Variants in CDH16 observed in about 807,000 individuals in gnomAD.
CDH16 encodes the protein cadherin-16.
CDH16 carries 79 observed loss-of-function variants against 87.6 expected under a neutral mutation model. That is an observed-to-expected ratio of 0.90 (90% CI 0.75 to 1.09). CDH16 has a LOEUF of 1.09. Ranked by LOEUF, CDH16 falls within the 50% of genes least tolerant of loss-of-function variation. CDH16 has a pLI of 0.00. For synonymous variants in CDH16, 457 were observed against 439.5 expected, an observed-to-expected ratio of 1.04 and a Z score of -0.50; for missense variants, 1,124 against 1,071.7, an observed-to-expected ratio of 1.05 and a Z score of -0.68.
In CDH16 at chr16:66,910,263, TGA is replaced by T; in HGVS notation, c.2162_2163del (p.Leu721GlnfsTer18). 6.3e-7 allele frequency: 1 copy of T among 1,595,702 alleles called. No individual in the cohort carries two copies. Among genetic ancestry groups the T allele is most frequent in the Non-Finnish European group, 8.5e-7 (1 of 1,169,800 alleles). ...TVQRDWRLQT[L>X]NGSHAYLTLA... ...CCTCCCTTTCCCCACCACACACCAT[TGA>T]GAGTCTGGAGGCGCCAATCCCGTTG... On this transcript the variant is annotated frameshift_variant, in exon 15 of 18. Transcript: ENST00000299752. LOFTEE classifies it high-confidence loss of function.
In CDH16 at chr16:66,910,043, G is replaced by A. The variant is rs774668091; in HGVS notation, c.2218C>T (p.His740Tyr). 1.2e-6 allele frequency: 2 copies of A among 1,613,248 alleles called. No homozygotes were observed. Among genetic ancestry groups the A allele is most frequent in the East Asian group, 2.2e-5 (1 of 44,864 alleles). Residue 740 changes from histidine (H) to tyrosine (Y), a missense_variant, in exon 16 of 18, where the codon CAC becomes TAC. By Grantham distance (83) the His-to-Tyr change is moderately conservative. Transcript: ENST00000299752. ...TGGCTGACCACCACGGGGATTATGT[G>A]TTCACGTGGCTCCACCCAATGCAGG... ...LALHWVEPRE[H>Y]IIPVVVSHNA... is the part of the protein sequence containing the mutation.
rs749714021 is a variant in CDH16, at chr16:66,912,849, G to A, written c.1097C>T (p.Pro366Leu). The change falls in exon 10 of 18, where the codon CCC becomes CTC. Residue 366 changes from proline to leucine, a missense_variant. Coordinates refer to ENST00000299752, the MANE Select transcript of CDH16 (RefSeq NM_004062.4). ...CACAACGTGGGAATTGGGGGAGCCG[G>A]GGGCATCTGCATCCTCTGCTGACAG... is the stretch of plus-strand genomic sequence containing the variant. ...TRLSAEDADA[P>L]GSPNSHVVYQ... The A allele has an allele frequency of 1.9e-6, 3 of 1,613,190 alleles. No homozygotes were observed. Among genetic ancestry groups the A allele is most frequent in the Non-Finnish European group, 1.7e-6 (2 of 1,180,038 alleles).
rs1363237621 is a variant in CDH16 at position 66,913,144 on chromosome 16, C to T, written c.1041G>A (p.Glu347=). 14 of 1,609,110 alleles carry T rather than the reference C, an allele frequency of 8.7e-6. No homozygotes were observed. Among genetic ancestry groups the T allele is most frequent in the Non-Finnish European group, 1.2e-5 (14 of 1,177,774 alleles). The change falls in exon 9 of 18, where the codon GAG becomes GAA. Residue 347 remains glutamate (E), a synonymous_variant. Coordinates refer to ENST00000299752, the MANE Select transcript of CDH16 (RefSeq NM_004062.4). The part of the protein sequence containing the change: ...PPRDPTVSIP[E]LSPPGTEVTR... ...CCTGTAGCTCACCTGGTGGACTGAGCTCAGGGATGCTGACTGTGGGGTCAC... is the reference window on the plus strand; with the variant it reads ...CCTGTAGCTCACCTGGTGGACTGAGTTCAGGGATGCTGACTGTGGGGTCAC...
At position 66,910,277 on chromosome 16, in the gene CDH16, C is replaced by T. The variant is rs34621310; in HGVS notation, c.2150G>A (p.Arg717His). The change falls in exon 15 of 18, where the codon CGC (arginine) becomes CAC (histidine). Residue 717 changes from arginine (R) to histidine (H), a missense_variant. Physicochemically the swap from Arg to His is conservative, Grantham distance 29 (BLOSUM62 0). Transcript: ENST00000299752. ...GPNPTVQRDW[R>H]LQTLNGSHAY... The stretch of plus-strand genomic sequence containing the variant: ...CCACACACCATTGAGAGTCTGGAGG[C>T]GCCAATCCCGTTGCACCGTGGGGTT... 7,357 of 1,604,458 alleles carry T rather than the reference C, an allele frequency of 4.6e-3. 311 individuals carry two copies. In the African/African-American group the frequency reaches 0.088, roughly 19 times the overall value.
At chr16:66,914,074 C>T (rs1383903077) in intron 7 of CDH16, 142 bp downstream of exon 7, 1 of 709,370 alleles carries the variant, frequency 1.4e-6, no homozygotes, top group Admixed American at 2.7e-5. Context: ...ACACCCCAGT[C>T]CACAGTGGGA....
At chr16:66,912,196 C>G (rs747765723) in intron 12 of CDH16, 46 bp downstream of exon 12, 29 of 1,599,576 alleles carry the variant, frequency 1.8e-5, no homozygotes, top group Non-Finnish European at 2.5e-5. Flanking sequence ...CATGTGCATG[C>G]ATGCGTGCAT....
chr16:66,914,688 T>C (rs1206499346), intron 6 of CDH16, among the ~76,000 whole-genome samples: 1 of 152,042 alleles, frequency 6.6e-6, no homozygotes, highest in Non-Finnish European at 1.5e-5. Flanking sequence ...AGATGGCAGA[T>C]GATGGGTTGG....
At chr16:66,918,168 C>A in intron 1 of CDH16, 90 bp from the exon 2 acceptor site, 1 of 801,872 alleles carries the variant, frequency 1.2e-6, no homozygotes. Flanking sequence ...GTACTGCAGA[C>A]TAGTCTTCTC....
Position 66,913,263 on chromosome 16 carries a change from C to G in CDH16, c.922G>C (p.Ala308Pro), listed in dbSNP as rs996969572. The change falls in exon 9 of 18, where the codon GCT becomes CCT. Residue 308 changes from alanine (A) to proline (P), a missense_variant. Ala to Pro is a conservative substitution (Grantham distance 27, BLOSUM62 -1). Coordinates refer to ENST00000299752, the MANE Select transcript of CDH16 (RefSeq NM_004062.4). ...AQAEYLLQVR[A>P]QNSHGEDYAA... ...TAGTCCTCGCCATGGGAATTCTGAG[C>G]CCGCACCTGGAGCAGGTACTGCGGT... is the stretch of plus-strand genomic sequence containing the variant. 5.8e-6 allele frequency: 9 copies of G among 1,556,998 alleles called. No homozygotes were observed. Among genetic ancestry groups the G allele is most frequent in the Non-Finnish European group, 7.8e-6 (9 of 1,149,960 alleles).
At chr16:66,917,972 C>A in intron 2 of CDH16, 49 bp downstream of exon 2, 1 of 1,487,130 alleles carries the variant, frequency 6.7e-7, no homozygotes, top group Middle Eastern at 1.8e-4. Flanking sequence ...GCAAGGGTGT[C>A]AACCCCCAAA....
At position 66,916,445 on chromosome 16, in the gene CDH16, A is replaced by G; in HGVS notation, c.130-16T>C. On this transcript the variant is annotated splice_polypyrimidine_tract_variant and intron_variant, in intron 3 of 17. Transcript: ENST00000299752. This position sits in a 1 kb window ranked among gnomAD's most constrained non-coding sequence, Gnocchi z 4.1. Reference sequence around the variant, plus strand: ...GCAGCGGCAACTGATGGAAATGAACAGAAGTGAAGGGAGCGGTGGCCAGGC... The same window carrying G: ...GCAGCGGCAACTGATGGAAATGAACGGAAGTGAAGGGAGCGGTGGCCAGGC... 3 of 1,577,346 alleles carry G rather than the reference A, an allele frequency of 1.9e-6. No homozygotes were observed. The highest frequency in any genetic ancestry group is 1.2e-5 in the South Asian group (1 of 86,728).
intron 13 of CDH16, 39 bp from the exon 14 acceptor site, chr16:66,911,354 A>G: frequency 6.2e-7 from 1 of 1,603,702 alleles, no homozygotes; most frequent in Admixed American, 1.7e-5. Flanking sequence ...TACTGGGACT[A>G]CATATAGGGT....
At position 66,915,362 on chromosome 16, in the gene CDH16, G is replaced by C. The variant is rs768527988; in HGVS notation, c.441C>G (p.Phe147Leu). 7.7e-5 allele frequency: 125 copies of C among 1,613,862 alleles called. 2 individuals carry two copies. In the South Asian group the frequency reaches 1.1e-3, roughly 14 times the overall value. Residue 147 changes from phenylalanine (F) to leucine (L), a missense_variant, in exon 6 of 18, where the codon TTC becomes TTG. Phe to Leu is a conservative substitution (Grantham distance 22). Coordinates refer to ENST00000299752, the MANE Select transcript of CDH16 (RefSeq NM_004062.4). ...GCTCATCCCGGTCTGAAGCCTCAAG[G>C]AAGAGGAAGGGGATGCCTGGTTCAC... ...RGTRPGIPFL[F>L]LEASDRDEPG...
intron 17 of CDH16, among the ~76,000 whole-genome samples, chr16:66,908,809 G>GAACCAGCAAGGAA (rs1382158533): frequency 6.6e-6 from 1 of 152,172 alleles, no homozygotes; most frequent in Admixed American, 6.5e-5. Context: ...CAGTGTGCTA[G>GAACCAGCAAGGAA]AACCAGCAAG....
chr16:66,916,207 G>T lies in CDH16; in HGVS notation c.286-4C>A. The T allele has an allele frequency of 5.0e-6, 8 of 1,614,246 alleles. No homozygotes were observed. Among genetic ancestry groups the T allele is most frequent in the Non-Finnish European group, 6.8e-6 (8 of 1,180,038 alleles). On this transcript the variant is annotated splice_polypyrimidine_tract_variant and splice_region_variant and intron_variant, in intron 4 of 17. Transcript: ENST00000299752. The surrounding 1 kb of genome is among the most constrained non-coding windows in gnomAD (Gnocchi z 4.1). ...CATCCTGCATCTCCAGGGTGACCTGGCAGGGAAGGGGAGTCAGCGTCTGGC... is the reference window on the plus strand; with the variant it reads ...CATCCTGCATCTCCAGGGTGACCTGTCAGGGAAGGGGAGTCAGCGTCTGGC...
Position 66,910,307 on chromosome 16 carries a change from C to T in CDH16, c.2120G>A (p.Gly707Asp), listed in dbSNP as rs1462855683. Reference protein sequence around the residue: ...SGHGPYSFTLGPNPTVQRDWR... With the variant: ...SGHGPYSFTLDPNPTVQRDWR... ...ATCCCGTTGCACCGTGGGGTTGGGA[C>T]CAAGGGTGAAGCTGTAGGGACCGTG... Residue 707 changes from glycine to aspartate, a missense_variant, in exon 15 of 18, where the codon GGT becomes GAT. By Grantham distance (94) the Gly-to-Asp change is moderately conservative (BLOSUM62 -1). Transcript: ENST00000299752. 5 of 1,613,178 alleles carry T rather than the reference C, an allele frequency of 3.1e-6. No homozygotes were observed. Among genetic ancestry groups the T allele is most frequent in the Non-Finnish European group, 4.2e-6 (5 of 1,179,558 alleles).
chr16:66,909,403 A>G lies in CDH16; in HGVS notation c.2276-20T>C, dbSNP rs757792674. 4 of 607,604 alleles carry G rather than the reference A, an allele frequency of 6.6e-6. No homozygotes were observed. In the Admixed American group the frequency reaches 7.9e-5, roughly 12 times the overall value. 37.6% of individuals were successfully genotyped at this position (607,604 alleles called of 1,614,324 possible). ...CGATCACTGAGGGGAGAGGGGAGGA[A>G]GGTAAGGGGAGGGAGGGGAGGGCTC... On this transcript the variant is annotated intron_variant, in intron 16 of 17. Transcript: ENST00000299752. This position sits in a 1 kb window ranked among gnomAD's most constrained non-coding sequence, Gnocchi z 4.1.
In CDH16 at chr16:66,911,243, C is replaced by T; in HGVS notation, c.1863G>A (p.Gln621=). 1 of 1,613,638 alleles carries T rather than the reference C, an allele frequency of 6.2e-7. No individual in the cohort carries two copies. The highest frequency in any genetic ancestry group is 8.5e-7 in the Non-Finnish European group (1 of 1,179,882). The change falls in exon 14 of 18, where the codon CAG becomes CAA. Residue 621 remains glutamine, a synonymous_variant. Coordinates refer to ENST00000299752, the MANE Select transcript of CDH16 (RefSeq NM_004062.4). ...EKFSGEVHTA[Q]SLQGAQPGDT... Reference sequence around the variant, plus strand: ...CCCCAGGCTGGGCGCCCTGCAGGGACTGGGCGGTGTGCACCTCCCCGGAGA... The same window carrying T: ...CCCCAGGCTGGGCGCCCTGCAGGGATTGGGCGGTGTGCACCTCCCCGGAGA...
chr16:66,913,593 A>G lies in CDH16; in HGVS notation c.801T>C (p.Asp267=). The change falls in exon 8 of 18, where the codon GAT becomes GAC. Residue 267 remains aspartate, a synonymous_variant. Transcript: ENST00000299752. ...HMAQVHWSGG[D]VHYHLESHPP... The stretch of plus-strand genomic sequence containing the variant: ...GATGGCTCTCCAGGTGATAGTGCAC[A>G]TCACCCCCACTCCAGTGTACCTGGG... 1 of 1,613,958 alleles carries G rather than the reference A, an allele frequency of 6.2e-7. No homozygotes were observed. The highest frequency in any genetic ancestry group is 8.5e-7 in the Non-Finnish European group (1 of 1,179,958).
Sources: gnomAD v4.1 joint callset for allele counts (sites outside exome capture counted in the v4.1 genomes callset) on GRCh38, gnomAD v4.1.1 for gene constraint, Gnocchi (gnomAD v3.1) non-coding constraint, MANE v1.5 for transcripts, NCBI Gene and HGNC (gene_info 2026-07-23, HGNC 2026-07-21) for gene names.